Variants in OLA1 observed in about 807,000 individuals in gnomAD.
OLA1 encodes the protein obg-like ATPase 1.
In OLA1, 14 loss-of-function variants were observed where a neutral mutation model predicts 48.4. That is an observed-to-expected ratio of 0.29 (90% CI 0.19 to 0.45). OLA1 has a LOEUF of 0.45. Among genes scored for constraint, OLA1 ranks in the 20% least tolerant of loss-of-function variants. The pLI is 1.00. For missense variants in OLA1, 325 were observed against 467.1 expected, an observed-to-expected ratio of 0.70 and a Z score of 2.80; for synonymous variants, 127 against 150.4, an observed-to-expected ratio of 0.84 and a Z score of 1.14.
At chr2:174,108,884 A>C (rs1281876881) in intron 7 of OLA1, among the ~76,000 whole-genome samples, 1 of 152,168 alleles carries the variant, frequency 6.6e-6, no homozygotes, top group African/African-American at 2.4e-5. Flanking sequence ...TTGCTTACTG[A>C]TAACTTGCTT....
chr2:174,111,669 A>T (rs935397), intron 7 of OLA1, among the ~76,000 whole-genome samples: 65,102 of 152,036 alleles, frequency 0.43, 14,737 homozygotes, highest in East Asian at 0.94. Context: ...ATTATACAAA[A>T]CATCCATTTG....
At chr2:174,129,145 A>G (rs924998590) in intron 5 of OLA1, among the ~76,000 whole-genome samples, 3 of 152,092 alleles carry the variant, frequency 2.0e-5, no homozygotes, top group Non-Finnish European at 4.4e-5. Flanking sequence ...CTAGGCACAC[A>G]GTAAATACTC....
Position 174,186,825 on chromosome 2 carries a change from G to A in OLA1, c.373+36208C>T, listed in dbSNP as rs148307972. On this transcript the variant is annotated intron_variant, in intron 4 of 10. Coordinates refer to ENST00000284719, the MANE Select transcript of OLA1 (RefSeq NM_013341.5). Reference sequence around the variant, plus strand: ...GAAAGACCTGGAGAAACTGGACAGCGGGGTAAGTGTGAAACGTCCTGCAGG... The same window carrying A: ...GAAAGACCTGGAGAAACTGGACAGCAGGGTAAGTGTGAAACGTCCTGCAGG... Among the ~76,000 whole-genome samples, 479 of 152,242 alleles carry A rather than the reference G, an allele frequency of 3.1e-3. 4 individuals carry two copies. The highest frequency in any genetic ancestry group is 0.011 in the African/African-American group (462 of 41,540).
At chr2:174,101,746 G>A (rs1014287850) in intron 7 of OLA1, among the ~76,000 whole-genome samples, 1 of 152,188 alleles carries the variant, frequency 6.6e-6, no homozygotes, top group Non-Finnish European at 1.5e-5. Context: ...ATGAAGTGAT[G>A]CAGTTTTAGT....
chr2:174,189,881 A>ACAC (rs1558996713), intron 4 of OLA1, among the ~76,000 whole-genome samples: 2 of 147,070 alleles, frequency 1.4e-5, no homozygotes, highest in African/African-American at 5.1e-5. Flanking sequence ...AAAAAAACAA[A>ACAC]ACACACACAC....
intron 5 of OLA1, among the ~76,000 whole-genome samples, chr2:174,133,489 T>C (rs918763107): frequency 2.6e-5 from 4 of 152,228 alleles, no homozygotes; most frequent in African/African-American, 9.6e-5. Context: ...GCCTTCCAAG[T>C]AGCTGGGATT....
intron 4 of OLA1, among the ~76,000 whole-genome samples, chr2:174,151,046 T>A (rs961198110): frequency 1.3e-5 from 2 of 152,152 alleles, no homozygotes; most frequent in Non-Finnish European, 2.9e-5. Context: ...GAGTAGAAGA[T>A]GATAAAAGGT....
At position 174,094,352 on chromosome 2, in the gene OLA1, C is replaced by T. The variant is rs1179737094; in HGVS notation, c.729-12288G>A. Among the ~76,000 whole-genome samples, 7 of 152,296 alleles carry T rather than the reference C, an allele frequency of 4.6e-5. No individual in the cohort carries two copies. In the East Asian group the frequency reaches 7.7e-4, roughly 17 times the overall value. ...GAAAGACTTAATCTTAACATGGCAACGTTCCTCAAACAGATCTACAGATTC... is the reference window on the plus strand; with the variant it reads ...GAAAGACTTAATCTTAACATGGCAATGTTCCTCAAACAGATCTACAGATTC... On this transcript the variant is annotated intron_variant, in intron 7 of 10. Coordinates refer to ENST00000284719, the MANE Select transcript of OLA1 (RefSeq NM_013341.5).
At chr2:174,167,138 C>T (rs78735631) in intron 4 of OLA1, among the ~76,000 whole-genome samples, 20,335 of 151,396 alleles carry the variant, frequency 0.13, 1,788 homozygotes, top group Non-Finnish European at 0.2. Context: ...AAAAAAAGTG[C>T]CCCATTAGAC....
At chr2:174,226,854 G>A (rs1282807451) in intron 3 of OLA1, among the ~76,000 whole-genome samples, 1 of 152,062 alleles carries the variant, frequency 6.6e-6, no homozygotes, top group Non-Finnish European at 1.5e-5. Context: ...AATTTGGGAG[G>A]CCAAGACAGG....
intron 7 of OLA1, among the ~76,000 whole-genome samples, chr2:174,117,286 A>G (rs986950763): frequency 6.6e-6 from 1 of 152,240 alleles, no homozygotes; most frequent in African/African-American, 2.4e-5. Context: ...TACAGAACAC[A>G]TTTTATATGA....
At chr2:174,173,175 C>T (rs1207458921) in intron 4 of OLA1, among the ~76,000 whole-genome samples, 2 of 152,128 alleles carry the variant, frequency 1.3e-5, no homozygotes, top group Non-Finnish European at 2.9e-5. Flanking sequence ...AACCACAAGA[C>T]AGCAAAGTGG....
intron 4 of OLA1, among the ~76,000 whole-genome samples, chr2:174,201,325 C>T (rs1412174262): frequency 6.6e-6 from 1 of 152,200 alleles, no homozygotes; most frequent in African/African-American, 2.4e-5. Flanking sequence ...CTAACTTAAG[C>T]AAGTCACTTC....
chr2:174,087,104 G>C (rs1291401440), intron 7 of OLA1, among the ~76,000 whole-genome samples: 2 of 149,456 alleles, frequency 1.3e-5, no homozygotes, highest in Non-Finnish European at 3.0e-5. Flanking sequence ...TCGGCTCACT[G>C]CAACCTCTGC....
At chr2:174,142,123 G>T in intron 4 of OLA1, 123 bp from the exon 5 acceptor site, 1 of 865,958 alleles carries the variant, frequency 1.2e-6, no homozygotes. Flanking sequence ...CTGGCTTCTT[G>T]GCAAGTAGGA....
At position 174,113,702 on chromosome 2, in the gene OLA1, A is replaced by G. The variant is rs1040983793; in HGVS notation, c.728+9478T>C. 2.6e-5 allele frequency among the ~76,000 whole-genome samples: 4 copies of G among 152,206 alleles called. No individual in the cohort carries two copies. In the South Asian group the frequency reaches 8.3e-4, roughly 32 times the overall value. On this transcript the variant is annotated intron_variant, in intron 7 of 10. Coordinates refer to ENST00000284719, the MANE Select transcript of OLA1 (RefSeq NM_013341.5). ...AAACTTTCTGAGATAAAACAAAGCAAAATGCTAAAGTTGCTGACGTGATAT... is the reference window on the plus strand; with the variant it reads ...AAACTTTCTGAGATAAAACAAAGCAGAATGCTAAAGTTGCTGACGTGATAT...
intron 4 of OLA1, among the ~76,000 whole-genome samples, chr2:174,209,167 T>G (rs976552535): frequency 2.0e-5 from 3 of 152,194 alleles, no homozygotes; most frequent in Non-Finnish European, 4.4e-5. Context: ...TTTTCACTAA[T>G]CACCCATCTT....
At chr2:174,137,043 G>A (rs1299887922) in intron 5 of OLA1, among the ~76,000 whole-genome samples, 2 of 152,112 alleles carry the variant, frequency 1.3e-5, no homozygotes, top group African/African-American at 4.8e-5. Context: ...AGATCCATCA[G>A]ATAAATCACT....
At chr2:174,243,032 G>A (rs915444508) in intron 2 of OLA1, among the ~76,000 whole-genome samples, 5 of 151,486 alleles carry the variant, frequency 3.3e-5, no homozygotes, top group African/African-American at 1.2e-4. Flanking sequence ...TTTTTCAGAT[G>A]GAGTCTCGCT....
Sources: gnomAD v4.1 joint callset for allele counts (sites outside exome capture counted in the v4.1 genomes callset) on GRCh38, gnomAD v4.1.1 for gene constraint, MANE v1.5 for transcripts, NCBI Gene and HGNC (gene_info 2026-07-23, HGNC 2026-07-21) for gene names.